MIER3: variants seen among roughly 807,000 people sequenced by gnomAD.
The protein encoded by MIER3 is MIER family member 3, also known as mesoderm induction early response protein 3.
In MIER3, 9 loss-of-function variants were observed where a neutral mutation model predicts 63.2. That is an observed-to-expected ratio of 0.14 (90% confidence interval 0.09 to 0.25). The LOEUF (loss-of-function observed/expected upper bound fraction) is 0.25, where lower values mean the gene tolerates loss of function less well. Ranked by LOEUF, MIER3 falls within the 10% of genes least tolerant of loss-of-function variation. MIER3 has a pLI of 1.00. For missense variants in MIER3, 512 were observed against 666.2 expected (o/e 0.77, Z 2.55); for synonymous variants, 205 against 224.9 (o/e 0.91, Z 0.79).
chr5:56,928,989 T>TCACACACACACACA (rs1161950983), intron 9 of MIER3, 128 bp from the exon 10 acceptor site: 14 of 468,998 alleles, frequency 3.0e-5, no homozygotes, highest in Admixed American at 2.8e-4. Flanking sequence ...ACACTCTCTC[T>TCACACACACACACA]CTCACACACA....
chr5:56,928,981 A>C (rs252892), intron 9 of MIER3, 120 bp from the exon 10 acceptor site: 1 of 469,184 alleles, frequency 2.1e-6, no homozygotes, highest in Non-Finnish European at 3.7e-6. Context: ...ACACACACAC[A>C]CTCTCTCTCT....
At chr5:56,933,972 TA>T (rs1750359660) in intron 7 of MIER3, among the ~76,000 whole-genome samples, 1 of 152,010 alleles carries the variant, frequency 6.6e-6, no homozygotes, top group South Asian at 2.1e-4. Flanking sequence ...GTAAGAAAAG[TA>T]AACTTTCCAC....
At chr5:56,934,869 T>C (rs1750386481) in intron 7 of MIER3, among the ~76,000 whole-genome samples, 1 of 152,202 alleles carries the variant, frequency 6.6e-6, no homozygotes, top group African/African-American at 2.4e-5. Context: ...TATTTTTATA[T>C]CCTACTACCT....
Position 56,937,735 on chromosome 5 carries a change from G to T in MIER3, c.316-37C>A, listed in dbSNP as rs768748610. 3 of 1,527,284 alleles carry T rather than the reference G, an allele frequency of 2.0e-6. 1 individual carries two copies. Among genetic ancestry groups the T allele is most frequent in the South Asian group, 2.6e-5 (2 of 75,528 alleles). The allele number at this position is 1,527,284 out of a possible 1,614,324, so 94.6% of individuals were successfully genotyped here. On this transcript the variant is annotated intron_variant, in intron 4 of 12. Coordinates refer to ENST00000381199, the MANE Select transcript of MIER3 (RefSeq NM_001297599.2). ...AGAAGGCAGTGCTACAGTTAGAAAT[G>T]ATTACATCTCATTAATTAAGAAAAC...
At chr5:56,924,418 A>T (rs545069388) in intron 10 of MIER3, among the ~76,000 whole-genome samples, 1 of 152,342 alleles carries the variant, frequency 6.6e-6, no homozygotes, top group African/African-American at 2.4e-5. Context: ...TGGATTAACT[A>T]ACCCCTGAGG....
chr5:56,930,572 G>C (rs1750225374), intron 9 of MIER3, 92 bp downstream of exon 9: 1 of 1,017,436 alleles, frequency 9.8e-7, no homozygotes, highest in South Asian at 1.3e-5. Flanking sequence ...AAGTGTTACA[G>C]GATTGCTCTG....
At chr5:56,940,863 A>G (rs1750622262) in intron 3 of MIER3, 1 of 557,292 alleles carries the variant, frequency 1.8e-6, no homozygotes, top group East Asian at 1.5e-4. Flanking sequence ...CATGCAGCCC[A>G]TTCCCTTTGG....
At position 56,923,528 on chromosome 5, in the gene MIER3, T is replaced by A; in HGVS notation, c.1253A>T (p.Asp418Val). ...CDPTDVNCLD[D>V]SFPPLGNTPR... is the part of the protein sequence containing the mutation. ...TGTGTTGCCCAGTGGAGGAAAGCTA[T>A]CATCCAAACAATTCACATCTGTGGG... is the stretch of plus-strand genomic sequence containing the variant. The change falls in exon 13 of 13, where the codon GAT becomes GTT. Residue 418 changes from aspartate to valine, a missense_variant. Around this residue, in one of 5 missense-constraint regions of MIER3, gnomAD observed 218 missense variants for 251.2 expected, o/e 0.87. Transcript: ENST00000381199. 6.2e-7 allele frequency: 1 copy of A among 1,614,128 alleles called. No homozygotes were observed. The highest frequency in any genetic ancestry group is 8.5e-7 in the Non-Finnish European group (1 of 1,180,016).
chr5:56,923,538 A>G lies in MIER3; in HGVS notation c.1243T>C (p.Cys415Arg), dbSNP rs773848044. Residue 415 changes from cysteine to arginine, a missense_variant, in exon 13 of 13, where the codon TGT becomes CGT. This residue lies in a region of MIER3 where 218 missense variants were observed against 251.2 expected (regional missense o/e 0.87). Transcript: ENST00000381199. ...AGTGGAGGAAAGCTATCATCCAAACAATTCACATCTGTGGGGTCGCAGACG... is the reference window on the plus strand; with the variant it reads ...AGTGGAGGAAAGCTATCATCCAAACGATTCACATCTGTGGGGTCGCAGACG... ...ATVCDPTDVNCLDDSFPPLGN... is the reference protein window; with the variant it reads ...ATVCDPTDVNRLDDSFPPLGN... 1.2e-6 allele frequency: 2 copies of G among 1,614,122 alleles called. No individual in the cohort carries two copies. Among genetic ancestry groups the G allele is most frequent in the Non-Finnish European group, 1.7e-6 (2 of 1,180,006 alleles).
chr5:56,947,176 G>A (rs1464609651), intron 2 of MIER3, 105 bp from the exon 3 acceptor site: 2 of 1,084,644 alleles, frequency 1.8e-6, no homozygotes, highest in Non-Finnish European at 2.6e-6. Context: ...TTTATATGAG[G>A]GTTTTACTAA....
intron 10 of MIER3, 99 bp from the exon 11 acceptor site, chr5:56,924,141 T>C: frequency 8.6e-7 from 1 of 1,169,136 alleles, no homozygotes. Flanking sequence ...CCATGGGTCT[T>C]ATTTTCCCAT....
At chr5:56,924,618 G>T (rs1749868813) in intron 10 of MIER3, among the ~76,000 whole-genome samples, 1 of 152,136 alleles carries the variant, frequency 6.6e-6, no homozygotes, top group South Asian at 2.1e-4. Context: ...CTAAAGGCAG[G>T]GCTTTCTCCC....
chr5:56,942,815 A>T (rs528817945), intron 3 of MIER3, among the ~76,000 whole-genome samples: 7 of 152,306 alleles, frequency 4.6e-5, no homozygotes, highest in African/African-American at 1.7e-4. Context: ...TGAGCAAGAG[A>T]AAGACAAGAA....
At chr5:56,929,858 A>C (rs905669476) in intron 9 of MIER3, among the ~76,000 whole-genome samples, 8 of 152,184 alleles carry the variant, frequency 5.3e-5, no homozygotes, top group Non-Finnish European at 8.8e-5. Flanking sequence ...GTCTCATTTG[A>C]CATGGGAGAC....
intron 7 of MIER3, among the ~76,000 whole-genome samples, chr5:56,934,361 T>C (rs1276367241): frequency 6.6e-6 from 1 of 152,216 alleles, no homozygotes; most frequent in East Asian, 1.9e-4. Context: ...CTTTACTCTT[T>C]GGTCACAAGT....
At chr5:56,943,147 A>G (rs1426505873) in intron 3 of MIER3, among the ~76,000 whole-genome samples, 1 of 152,070 alleles carries the variant, frequency 6.6e-6, no homozygotes, top group South Asian at 2.1e-4. Flanking sequence ...CATCTCTAAA[A>G]AAGTAATTAT....
At position 56,921,515 on chromosome 5, in the gene MIER3, G is replaced by A. The variant is rs557794986; in HGVS notation, c.*1613C>T. 62 of 152,636 alleles carry A rather than the reference G, an allele frequency of 4.1e-4. No individual in the cohort carries two copies. Among genetic ancestry groups the A allele is most frequent in the African/African-American group, 1.4e-3 (59 of 41,534 alleles). The allele number at this position is 152,636 out of a possible 1,614,324, so 9.5% of individuals were successfully genotyped here. A position where few individuals can be genotyped will look rare whatever the true frequency, so the allele number is the denominator to read the frequency against. On this transcript the variant is annotated 3_prime_UTR_variant, in exon 13 of 13. Coordinates refer to ENST00000381199, the MANE Select transcript of MIER3 (RefSeq NM_001297599.2). ...AAATTTTATACTAATGTGCTACTGCGTAAACACTTCAAAGCAATCTTCATT... is the reference window on the plus strand; with the variant it reads ...AAATTTTATACTAATGTGCTACTGCATAAACACTTCAAAGCAATCTTCATT...
intron 2 of MIER3, among the ~76,000 whole-genome samples, chr5:56,949,434 C>T (rs1021643584): frequency 2.6e-5 from 4 of 152,180 alleles, no homozygotes; most frequent in Non-Finnish European, 4.4e-5. Context: ...TAAAAGAAGT[C>T]AGTGATACCA....
chr5:56,944,307 T>TA lies in MIER3; in HGVS notation c.180+2618dup, dbSNP rs553010224. Among the ~76,000 whole-genome samples the TA allele has an allele frequency of 5.7e-3, 800 of 141,008 alleles. 2 individuals carry two copies. The highest frequency in any genetic ancestry group is 9.9e-3 in the South Asian group (44 of 4,452). The allele number at this position is 141,008 out of a possible 152,430, so 92.5% of individuals were successfully genotyped here. A position where few individuals can be genotyped will look rare whatever the true frequency, so the allele number is the denominator to read the frequency against. The stretch of plus-strand genomic sequence containing the variant: ...TAACACGGTGAAACCCCGTCTCTAC[T>TA]AAAAAAAAAAAAATACAAAAAAAAT... On this transcript the variant is annotated intron_variant, in intron 3 of 12. Transcript: ENST00000381199.
Sources: gnomAD v4.1 joint callset for allele counts (sites outside exome capture counted in the v4.1 genomes callset) on GRCh38, gnomAD v4.1.1 for gene constraint, gnomAD v4.1.1 regional missense constraint, MANE v1.5 for transcripts, NCBI Gene and HGNC (gene_info 2026-07-23, HGNC 2026-07-21) for gene names.